ARHGAP22: variants seen among roughly 807,000 people sequenced by gnomAD.
ARHGAP22 encodes Rho GTPase activating protein 22, also known as rho GTPase-activating protein 22.
A neutral mutation model predicts 59.1 loss-of-function variants in ARHGAP22; 48 were observed. That is an observed-to-expected ratio of 0.81 (90% confidence interval 0.64 to 1.03). The LOEUF (loss-of-function observed/expected upper bound fraction) is 1.03, where lower values mean the gene tolerates loss of function less well. Among genes scored for constraint, ARHGAP22 ranks in the 50% least tolerant of loss-of-function variants. ARHGAP22 has a pLI of 0.00. For synonymous variants in ARHGAP22, 445 were observed against 416.4 expected (o/e 1.07, Z -0.84); for missense variants, 1,015 against 958.7 (o/e 1.06, Z -0.78).
At chr10:48,491,006 GCCA>G (rs1296518161) in intron 3 of ARHGAP22, among the ~76,000 whole-genome samples, 1 of 152,046 alleles carries the variant, frequency 6.6e-6, no homozygotes, top group Non-Finnish European at 1.5e-5. Flanking sequence ...CCTGGTCTGG[GCCA>G]CCACCACTCC....
intron 2 of ARHGAP22, among the ~76,000 whole-genome samples, chr10:48,561,426 T>G (rs1046696817): frequency 2.0e-5 from 3 of 152,160 alleles, no homozygotes; most frequent in Non-Finnish European, 4.4e-5. Context: ...TTTATGACTT[T>G]GGATTAGACA....
intron 1 of ARHGAP22, among the ~76,000 whole-genome samples, chr10:48,601,413 C>T (rs990088908): frequency 2.6e-5 from 4 of 152,162 alleles, no homozygotes; most frequent in African/African-American, 9.7e-5. Flanking sequence ...ACTTCCATTC[C>T]CCACCCCACA....
At chr10:48,497,984 T>C (rs998353893) in intron 3 of ARHGAP22, among the ~76,000 whole-genome samples, 2 of 152,096 alleles carry the variant, frequency 1.3e-5, no homozygotes, top group Non-Finnish European at 2.9e-5. Flanking sequence ...ACTTCAGGTG[T>C]CCATGGTTCC....
intron 5 of ARHGAP22, among the ~76,000 whole-genome samples, chr10:48,457,176 C>T (rs2046618386): frequency 6.6e-6 from 1 of 152,112 alleles, no homozygotes; most frequent in Admixed American, 6.5e-5. Flanking sequence ...GGGAACCCCC[C>T]GCCCACGCCA....
rs749166728 is a variant in ARHGAP22, at chr10:48,459,908, G to C, written c.452-17C>G. ...CAAAGATCCCTGAGCACAGAGAGGA[G>C]CTAGTCACACCCTCCACCACCCAGC... On this transcript the variant is annotated splice_polypyrimidine_tract_variant and intron_variant, in intron 4 of 9. Coordinates refer to ENST00000249601, the MANE Select transcript of ARHGAP22 (RefSeq NM_021226.4). The C allele has an allele frequency of 6.2e-7, 1 of 1,608,040 alleles. No individual in the cohort carries two copies. Among genetic ancestry groups the C allele is most frequent in the Non-Finnish European group, 8.5e-7 (1 of 1,177,618 alleles).
chr10:48,512,989 G>T (rs1202337503), intron 3 of ARHGAP22, among the ~76,000 whole-genome samples: 1 of 152,102 alleles, frequency 6.6e-6, no homozygotes, highest in Non-Finnish European at 1.5e-5. Flanking sequence ...GATCTGTTTT[G>T]CAACTTCTTA....
Position 48,451,074 on chromosome 10 carries a change from G to C in ARHGAP22, c.1055C>G (p.Pro352Arg). Residue 352 changes from proline (P) to arginine (R), a missense_variant, in exon 9 of 10, where the codon CCG becomes CGG. Pro to Arg is a moderately radical substitution (Grantham distance 103). Transcript: ENST00000249601. ...IRKHSQLFTAPVPEGPTSPRG... is the reference protein window; with the variant it reads ...IRKHSQLFTARVPEGPTSPRG... ...CGGGGAGGTGGGCCCTTCCGGGACC[G>C]GTGCCGTGAAGAGCTGGCTGTGTTT... 1 of 1,552,616 alleles carries C rather than the reference G, an allele frequency of 6.4e-7. No homozygotes were observed. The highest frequency in any genetic ancestry group is 2.4e-5 in the East Asian group (1 of 40,992).
At chr10:48,500,941 C>T (rs1422815355) in intron 3 of ARHGAP22, among the ~76,000 whole-genome samples, 3 of 150,496 alleles carry the variant, frequency 2.0e-5, no homozygotes, top group Non-Finnish European at 3.0e-5. Context: ...TATAAAAGTG[C>T]CAGGCTCAAC....
chr10:48,477,235 T>C (rs2048840796), intron 4 of ARHGAP22, among the ~76,000 whole-genome samples: 1 of 152,272 alleles, frequency 6.6e-6, no homozygotes, highest in Non-Finnish European at 1.5e-5. Context: ...AGTTTACTTC[T>C]GCCCTGTGTT....
intron 3 of ARHGAP22, among the ~76,000 whole-genome samples, chr10:48,534,348 C>G (rs909700439): frequency 1.3e-5 from 2 of 152,218 alleles, no homozygotes; most frequent in African/African-American, 4.8e-5. Context: ...TGAAGCCTCA[C>G]CCCCACCCTG....
intron 3 of ARHGAP22, chr10:48,510,859 A>T (rs1482619314): frequency 6.6e-6 from 1 of 152,268 alleles, no homozygotes; most frequent in Admixed American, 6.5e-5. Flanking sequence ...GACTAAAAAA[A>T]ATCATCTGGA....
At chr10:48,617,371 G>A (rs573168977) in intron 1 of ARHGAP22, among the ~76,000 whole-genome samples, 22 of 151,890 alleles carry the variant, frequency 1.4e-4, no homozygotes, top group Non-Finnish European at 1.5e-4. Context: ...AACATTTACG[G>A]TACACTTCAT....
intron 3 of ARHGAP22, among the ~76,000 whole-genome samples, chr10:48,519,431 G>T (rs2053600139): frequency 6.6e-6 from 1 of 152,254 alleles, no homozygotes; most frequent in Admixed American, 6.5e-5. Context: ...CTATTACAAT[G>T]CAGTGATAAA....
chr10:48,589,915 C>T (rs1398180671), intron 1 of ARHGAP22, among the ~76,000 whole-genome samples: 2 of 152,104 alleles, frequency 1.3e-5, no homozygotes, highest in Non-Finnish European at 2.9e-5. Context: ...AAAATCCAGC[C>T]CCAGCCTGGC....
intron 3 of ARHGAP22, among the ~76,000 whole-genome samples, chr10:48,491,600 C>T (rs2050396229): frequency 6.6e-6 from 1 of 152,232 alleles, no homozygotes; most frequent in Admixed American, 6.5e-5. Context: ...CAGAGCCTGG[C>T]ATGGAGAGGA....
intron 3 of ARHGAP22, among the ~76,000 whole-genome samples, chr10:48,483,713 C>A (rs1314631771): frequency 6.6e-6 from 1 of 152,060 alleles, no homozygotes; most frequent in Non-Finnish European, 1.5e-5. Flanking sequence ...CTATAGGATC[C>A]TTTGCCCACT....
At chr10:48,584,829 C>T (rs189249562) in intron 1 of ARHGAP22, among the ~76,000 whole-genome samples, 4 of 152,208 alleles carry the variant, frequency 2.6e-5, no homozygotes, top group Admixed American at 2.6e-4. Context: ...CCTGTCTCTA[C>T]TAAAAATACA....
At chr10:48,647,871 C>T (rs1224985067) in intron 1 of ARHGAP22, among the ~76,000 whole-genome samples, 2 of 152,166 alleles carry the variant, frequency 1.3e-5, no homozygotes, top group Non-Finnish European at 2.9e-5. Context: ...GCACACTGAT[C>T]ACTGATTCAC....
chr10:48,450,979 C>G lies in ARHGAP22; in HGVS notation c.1150G>C (p.Gly384Arg), dbSNP rs956332153. The G allele has an allele frequency of 1.7e-5, 27 of 1,564,054 alleles. No homozygotes were observed. Among genetic ancestry groups the G allele is most frequent in the Admixed American group, 7.5e-5 (4 of 53,004 alleles). Reference sequence around the variant, plus strand: ...CTGTGCGCGGGCAGGCCGGGGCCGCCGGGCTCTCCTTGGCTGTCCCTGGTG... The same window carrying G: ...CTGTGCGCGGGCAGGCCGGGGCCGCGGGGCTCTCCTTGGCTGTCCCTGGTG... ...EVTRDSQGEPGGPGLPAHRTS... is the reference protein window; with the variant it reads ...EVTRDSQGEPRGPGLPAHRTS... The change falls in exon 9 of 10, where the codon GGC (glycine) becomes CGC (arginine). Residue 384 changes from glycine to arginine, a missense_variant. Coordinates refer to ENST00000249601, the MANE Select transcript of ARHGAP22 (RefSeq NM_021226.4).
Sources: gnomAD v4.1 joint callset for allele counts (sites outside exome capture counted in the v4.1 genomes callset) on GRCh38, gnomAD v4.1.1 for gene constraint, MANE v1.5 for transcripts, NCBI Gene and HGNC (gene_info 2026-07-23, HGNC 2026-07-21) for gene names.